The following KAZN variants were observed in gnomAD, a reference collection of about 807,000 sequenced individuals.
The protein encoded by KAZN is kazrin, periplakin interacting protein, also known as kazrin.
KAZN carries 40 observed loss-of-function variants against 87.4 expected under a neutral mutation model. The ratio of observed to expected loss-of-function variants is 0.46; its 90% confidence interval spans 0.36 to 0.60. The LOEUF (loss-of-function observed/expected upper bound fraction) is 0.60. Ranked by LOEUF, KAZN falls within the 20% of genes least tolerant of loss-of-function variation. The probability of loss-of-function intolerance (pLI) is 0.00; values close to 1 mark genes in which losing one functional copy is unlikely to be tolerated. For missense variants in KAZN, 898 were observed against 1,073.9 expected (o/e 0.84, Z 2.29); for synonymous variants, 466 against 458.3 (o/e 1.02, Z -0.22).
intron 1 of KAZN, among the ~76,000 whole-genome samples, chr1:14,106,130 C>A (rs1644369282): frequency 6.6e-6 from 1 of 152,186 alleles, no homozygotes; most frequent in South Asian, 2.1e-4. Flanking sequence ...CAGCCATGAA[C>A]AAACCCAGAA....
At chr1:14,037,624 C>T (rs1641617105) in intron 1 of KAZN, among the ~76,000 whole-genome samples, 1 of 152,190 alleles carries the variant, frequency 6.6e-6, no homozygotes, top group Non-Finnish European at 1.5e-5. Context: ...TTCCTCTCCT[C>T]CAGCTGTTTT....
intron 2 of KAZN, among the ~76,000 whole-genome samples, chr1:15,015,403 A>G (rs1390722675): frequency 6.6e-6 from 1 of 152,152 alleles, no homozygotes; most frequent in South Asian, 2.1e-4. Context: ...CTCCCGCCTC[A>G]GCCTCCCAAA....
chr1:15,020,035 C>A (rs12130605), intron 2 of KAZN, among the ~76,000 whole-genome samples: 1 of 151,964 alleles, frequency 6.6e-6, no homozygotes, highest in Non-Finnish European at 1.5e-5. Context: ...CACAGCTCAT[C>A]TTCCTTCCCC....
chr1:14,703,835 C>T (rs558508096), intron 1 of KAZN, among the ~76,000 whole-genome samples: 13 of 152,172 alleles, frequency 8.5e-5, no homozygotes, highest in East Asian at 1.9e-4. Context: ...GTTGTGATGG[C>T]GTCGCTGCGC....
chr1:14,771,602 A>G lies in KAZN; in HGVS notation c.226+172379A>G, dbSNP rs545387278. Among the ~76,000 whole-genome samples the G allele has an allele frequency of 7.2e-5, 11 of 152,094 alleles. No individual in the cohort carries two copies. In the South Asian group the frequency reaches 2.3e-3, roughly 32 times the overall value. On this transcript the variant is annotated intron_variant, in intron 1 of 14. Coordinates refer to ENST00000376030, the MANE Select transcript of KAZN (RefSeq NM_201628.3). ...GCACTTTGGGAGGCCAAGGCGGGCA[A>G]ATCACCTGAGGTCATGAGTTTGAGA... is the stretch of plus-strand genomic sequence containing the variant.
intron 2 of KAZN, among the ~76,000 whole-genome samples, chr1:14,317,662 A>G (rs1332435855): frequency 1.3e-5 from 2 of 151,030 alleles, no homozygotes; most frequent in African/African-American, 2.4e-5. Flanking sequence ...CTTTTTCTCC[A>G]TCTTCATTAT....
At chr1:14,782,860 A>C (rs1257333775) in intron 1 of KAZN, among the ~76,000 whole-genome samples, 1 of 152,062 alleles carries the variant, frequency 6.6e-6, no homozygotes, top group African/African-American at 2.4e-5. Context: ...TTCATTACAG[A>C]TTATAGCAGC....
chr1:14,595,393 C>T (rs562321644), upstream of KAZN, among the ~76,000 whole-genome samples: 22 of 152,170 alleles, frequency 1.4e-4, no homozygotes, highest in African/African-American at 5.3e-4. Context: ...GAAACGTAGA[C>T]CCGGCCGAGC....
intron 2 of KAZN, among the ~76,000 whole-genome samples, chr1:14,238,102 A>G (rs1002872826): frequency 1.3e-5 from 2 of 152,202 alleles, no homozygotes; most frequent in African/African-American, 2.4e-5. Context: ...TGTACAATTC[A>G]TGGTGTTGAG....
rs139866149 is a variant in KAZN, at chr1:14,441,588, C to A, written c.250-157395C>A. On this transcript the variant is annotated intron_variant, in intron 2 of 16. Coordinates refer to the KAZN transcript ENST00000636203. The stretch of plus-strand genomic sequence containing the variant: ...TGACTTATGCTGTTCTCATCAGATA[C>A]GTTTGGATTTTAACACAAATTAATT... Among the ~76,000 whole-genome samples the A allele has an allele frequency of 4.7e-3, 716 of 152,292 alleles. 5 individuals are homozygous for A. Among genetic ancestry groups the A allele is most frequent in the Admixed American group, 0.015 (224 of 15,300 alleles).
intron 1 of KAZN, among the ~76,000 whole-genome samples, chr1:14,677,931 G>T (rs899929521): frequency 7.2e-5 from 11 of 152,182 alleles, no homozygotes; most frequent in Non-Finnish European, 1.5e-5. Context: ...AGAAAACACA[G>T]ATAGCTTGTG....
intron 2 of KAZN, among the ~76,000 whole-genome samples, chr1:14,186,128 C>T (rs1646301804): frequency 6.6e-6 from 1 of 152,146 alleles, no homozygotes; most frequent in Non-Finnish European, 1.5e-5. Flanking sequence ...TGCAAAACTT[C>T]AATTACTTTC....
intron 1 of KAZN, among the ~76,000 whole-genome samples, chr1:14,793,943 G>A (rs1393228058): frequency 2.0e-5 from 3 of 152,294 alleles, no homozygotes; most frequent in East Asian, 1.9e-4. Flanking sequence ...CACACAGCCC[G>A]CAGCCTCCAC....
At chr1:14,131,602 A>G (rs996687081) in intron 1 of KAZN, among the ~76,000 whole-genome samples, 6 of 152,000 alleles carry the variant, frequency 3.9e-5, no homozygotes, top group African/African-American at 1.4e-4. Flanking sequence ...GGCGGCGCTA[A>G]TGGTTGGAAA....
At chr1:13,969,898 T>C (rs745892780) in intron 1 of KAZN, among the ~76,000 whole-genome samples, 1 of 152,210 alleles carries the variant, frequency 6.6e-6, no homozygotes, top group Non-Finnish European at 1.5e-5. Context: ...CATTATTGAT[T>C]CTTAAACTGA....
chr1:14,867,354 A>G (rs183845533), intron 1 of KAZN, among the ~76,000 whole-genome samples: 69 of 152,312 alleles, frequency 4.5e-4, no homozygotes, highest in Admixed American at 5.9e-4. Context: ...CAAAAACTGC[A>G]CTAGACTTAG....
At chr1:14,235,291 T>TA (rs1648302668) in intron 2 of KAZN, among the ~76,000 whole-genome samples, 1 of 152,160 alleles carries the variant, frequency 6.6e-6, no homozygotes, top group Admixed American at 6.5e-5. Flanking sequence ...TATTCATCCA[T>TA]AAAAAAGGAT....
At chr1:14,640,066 G>A (rs545817426) in intron 1 of KAZN, among the ~76,000 whole-genome samples, 15 of 152,286 alleles carry the variant, frequency 9.8e-5, no homozygotes, top group African/African-American at 3.4e-4. Context: ...AAGGTTGTTC[G>A]AGAAATGCTC....
At chr1:14,959,995 T>G (rs1340238345) in intron 1 of KAZN, among the ~76,000 whole-genome samples, 3 of 152,218 alleles carry the variant, frequency 2.0e-5, no homozygotes, top group African/African-American at 4.8e-5. Context: ...CAGAAACCTC[T>G]GCCCACGGTG....
Sources: allele counts gnomAD v4.1 joint callset (sites outside exome capture counted in the v4.1 genomes callset), GRCh38; gene constraint gnomAD v4.1.1; transcripts MANE v1.5; gene names NCBI Gene and HGNC (gene_info 2026-07-23, HGNC 2026-07-21).